RC3H2: variants seen among roughly 807,000 people sequenced by gnomAD.
RC3H2 encodes roquin-2.
A neutral mutation model predicts 133.3 loss-of-function variants in RC3H2; 31 were observed. The ratio of observed to expected loss-of-function variants is 0.23; its 90% CI spans 0.17 to 0.31. The LOEUF is 0.31. RC3H2 is among the 10% of genes least tolerant of loss of function. RC3H2 has a pLI of 1.00. For synonymous variants in RC3H2, 517 were observed against 502.2 expected, an observed-to-expected ratio of 1.03 and a Z score of -0.40; for missense variants, 1,175 against 1,437.2, an observed-to-expected ratio of 0.82 and a Z score of 2.95.
At chr9:122,857,226 T>C (rs756524938) in intron 13 of RC3H2, among the ~76,000 whole-genome samples, 1 of 152,180 alleles carries the variant, frequency 6.6e-6, no homozygotes. Flanking sequence ...TTTTAAAAAT[T>C]TTAATATCAG....
chr9:122,868,895 G>T lies in RC3H2; in HGVS notation c.1326-3238C>A, dbSNP rs1042375885. On this transcript the variant is annotated intron_variant, in intron 9 of 20. Coordinates refer to ENST00000357244, the MANE Select transcript of RC3H2 (RefSeq NM_001100588.3). Reference sequence around the variant, plus strand: ...TGTGTGTGTGTGTGTGTGTGTATGTGTTTTTTTTTTTTTTTTTTGTGGGGG... The same window carrying T: ...TGTGTGTGTGTGTGTGTGTGTATGTTTTTTTTTTTTTTTTTTTTGTGGGGG... Among the ~76,000 whole-genome samples, 781 of 99,458 alleles carry T rather than the reference G, an allele frequency of 7.9e-3. 6 individuals carry two copies. Among genetic ancestry groups the T allele is most frequent in the East Asian group, 0.02 (47 of 2,370 alleles). 65.2% of individuals were successfully genotyped at this position (99,458 alleles called of 152,430 possible).
chr9:122,901,970 C>T (rs773074615), intron 1 of RC3H2, among the ~76,000 whole-genome samples: 24 of 146,334 alleles, frequency 1.6e-4, no homozygotes, highest in Non-Finnish European at 3.0e-4. Context: ...GCTCTTGTTG[C>T]CCAGGCTGTA....
chr9:122,894,695 T>A (rs1038725638), intron 2 of RC3H2, among the ~76,000 whole-genome samples: 2 of 151,962 alleles, frequency 1.3e-5, no homozygotes, highest in Admixed American at 1.3e-4. Flanking sequence ...GCCTGGCCAA[T>A]ATGGCGAGAC....
rs1227787168 is a variant in RC3H2, at chr9:122,849,293, A to G, written c.*334T>C. 2 of 152,284 alleles carry G rather than the reference A, an allele frequency of 1.3e-5. No individual in the cohort carries two copies. The highest frequency in any genetic ancestry group is 3.8e-4 in the East Asian group (2 of 5,222). The allele number at this position is 152,284 out of a possible 1,614,324, so 9.4% of individuals were successfully genotyped here. Reference sequence around the variant, plus strand: ...TTAATAACTGAGTTGTTAATTTTCTATAGAAGCCATTTAAAATAGGAAATG... The same window carrying G: ...TTAATAACTGAGTTGTTAATTTTCTGTAGAAGCCATTTAAAATAGGAAATG... On this transcript the variant is annotated 3_prime_UTR_variant, in exon 21 of 21. Coordinates refer to ENST00000357244, the MANE Select transcript of RC3H2 (RefSeq NM_001100588.3).
At chr9:122,853,811 A>T in intron 18 of RC3H2, 141 bp downstream of exon 18, 1 of 1,510,564 alleles carries the variant, frequency 6.6e-7, no homozygotes, top group Admixed American at 2.3e-5. Flanking sequence ...TTACAATTTT[A>T]TTTCTGTTAT....
rs150059221 is a variant in RC3H2 at position 122,866,267 on chromosome 9, G to A, written c.1326-610C>T. The stretch of plus-strand genomic sequence containing the variant: ...AAAGATTTTTCTGATACTAAGTTTT[G>A]AGTTTTATTTATGGTGATCATTGGA... On this transcript the variant is annotated intron_variant, in intron 9 of 20. Coordinates refer to ENST00000357244, the MANE Select transcript of RC3H2 (RefSeq NM_001100588.3). Among the ~76,000 whole-genome samples, 813 of 152,130 alleles carry A rather than the reference G, an allele frequency of 5.3e-3. 7 individuals are homozygous for A. The highest frequency in any genetic ancestry group is 0.019 in the African/African-American group (778 of 41,506).
chr9:122,872,277 T>C (rs1831134002), intron 9 of RC3H2, among the ~76,000 whole-genome samples: 1 of 152,222 alleles, frequency 6.6e-6, no homozygotes, highest in Non-Finnish European at 1.5e-5. Flanking sequence ...TTGTCAGCTC[T>C]ACTTCCAAAA....
rs1829900407 is a variant in RC3H2 at position 122,847,760 on chromosome 9, A to G, written c.*1867T>C. On this transcript the variant is annotated 3_prime_UTR_variant, in exon 21 of 21. Transcript: ENST00000357244. ...GATGGGGAGCACTGGCCATGGCAAA[A>G]AAGGTACAGTACTAACCAAAGGAAA... is the stretch of plus-strand genomic sequence containing the variant. The G allele has an allele frequency of 6.6e-6, 1 of 152,144 alleles. No homozygotes were observed. The highest frequency in any genetic ancestry group is 6.5e-5 in the Admixed American group (1 of 15,282). The allele number at this position is 152,144 out of a possible 1,614,324, so 9.4% of individuals were successfully genotyped here.
chr9:122,867,286 G>C (rs1830742238), intron 9 of RC3H2, among the ~76,000 whole-genome samples: 1 of 73,012 alleles, frequency 1.4e-5, no homozygotes, highest in African/African-American at 5.4e-5. Flanking sequence ...GAGGTGGGGG[G>C]GTCAGCCCCC....
intron 9 of RC3H2, among the ~76,000 whole-genome samples, chr9:122,867,509 G>A (rs557483732): frequency 2.8e-3 from 310 of 112,422 alleles, no homozygotes; most frequent in Non-Finnish European, 4.6e-3. Flanking sequence ...TGTGAGGGGC[G>A]CCTCTGCCCG....
chr9:122,886,047 C>A (rs1831897705), intron 4 of RC3H2, among the ~76,000 whole-genome samples: 1 of 152,104 alleles, frequency 6.6e-6, no homozygotes, highest in Admixed American at 6.6e-5. Context: ...ACCACCATGC[C>A]CAGCTAATTT....
intron 17 of RC3H2, 43 bp downstream of exon 17, chr9:122,854,142 C>T (rs1182009105): frequency 2.5e-6 from 4 of 1,611,444 alleles, no homozygotes. Flanking sequence ...TTTCAACTGT[C>T]ATTCTATTTC....
At chr9:122,885,883 TTTTG>T (rs1466752548) in intron 4 of RC3H2, among the ~76,000 whole-genome samples, 32 of 151,962 alleles carry the variant, frequency 2.1e-4, no homozygotes, top group Admixed American at 3.9e-4. Context: ...TTTTGTTTTG[TTTTG>T]TTTGTTTTGT....
chr9:122,875,165 A>C, intron 9 of RC3H2: 1 of 1,542,712 alleles, frequency 6.5e-7, no homozygotes, highest in Non-Finnish European at 8.7e-7. Flanking sequence ...TTTTTTCCTT[A>C]GGACTCCTTA....
At chr9:122,876,149 A>T (rs1324677768) in intron 9 of RC3H2, among the ~76,000 whole-genome samples, 2 of 152,208 alleles carry the variant, frequency 1.3e-5, no homozygotes, top group East Asian at 3.8e-4. Context: ...TGACTGATTA[A>T]GCAGAAAAAG....
chr9:122,850,545 C>T (rs1829983544), intron 20 of RC3H2, among the ~76,000 whole-genome samples: 2 of 151,866 alleles, frequency 1.3e-5, no homozygotes, highest in African/African-American at 2.4e-5. Context: ...CGGGTTCAAG[C>T]GATTCTCCTG....
chr9:122,855,667 C>A, intron 14 of RC3H2, 65 bp downstream of exon 14: 1 of 1,525,292 alleles, frequency 6.6e-7, no homozygotes, highest in Non-Finnish European at 8.8e-7. Context: ...AACATTCATT[C>A]TACAACATGA....
At chr9:122,885,120 A>C (rs1465018690) in intron 4 of RC3H2, among the ~76,000 whole-genome samples, 2 of 152,156 alleles carry the variant, frequency 1.3e-5, no homozygotes, top group African/African-American at 4.8e-5. Flanking sequence ...AATTTTTAAA[A>C]ATTTAATGAA....
At chr9:122,880,863 C>CT (rs1831587243) in intron 5 of RC3H2, 69 bp from the exon 6 acceptor site, 1 of 1,137,052 alleles carries the variant, frequency 8.8e-7, no homozygotes, top group Non-Finnish European at 1.3e-6. Context: ...TCGTTTATTC[C>CT]TTTTTCAGGG....
Sources: gnomAD v4.1 joint callset for allele counts (sites outside exome capture counted in the v4.1 genomes callset) on GRCh38, gnomAD v4.1.1 for gene constraint, MANE v1.5 for transcripts, NCBI Gene and HGNC (gene_info 2026-07-23, HGNC 2026-07-21) for gene names.